Variants in PDE11A observed in about 807,000 individuals in gnomAD.
The protein encoded by PDE11A is dual 3',5'-cyclic-AMP and -GMP phosphodiesterase 11A.
Under a neutral mutation model 100.5 loss-of-function variants are expected in PDE11A, and 100 were observed. That is an observed-to-expected ratio of 1.00 (90% CI 0.85 to 1.18). The LOEUF is 1.18. PDE11A is among the 50% of genes most tolerant of loss of function. PDE11A has a pLI of 0.00. For missense variants in PDE11A, 1,141 were observed against 1,152.6 expected, an observed-to-expected ratio of 0.99 and a Z score of 0.15; for synonymous variants, 381 against 420.8, an observed-to-expected ratio of 0.91 and a Z score of 1.16.
intron 2 of PDE11A, among the ~76,000 whole-genome samples, chr2:177,954,555 C>A (rs1574305205): frequency 1.3e-5 from 2 of 152,206 alleles, no homozygotes; most frequent in Non-Finnish European, 2.9e-5. Flanking sequence ...TGAAGAAAGA[C>A]AGAACAGCAG....
At chr2:178,046,350 T>C (rs2086750947) in intron 1 of PDE11A, among the ~76,000 whole-genome samples, 1 of 152,224 alleles carries the variant, frequency 6.6e-6, no homozygotes, top group South Asian at 2.1e-4. Context: ...TATTATAATG[T>C]TGAATTCAGT....
chr2:177,859,926 C>T (rs1386798929), intron 5 of PDE11A, among the ~76,000 whole-genome samples: 1 of 151,654 alleles, frequency 6.6e-6, no homozygotes, highest in Non-Finnish European at 1.5e-5. Context: ...CAAAATAAAA[C>T]ATACCAAAAT....
At chr2:177,835,330 G>A (rs6756606) in intron 6 of PDE11A, among the ~76,000 whole-genome samples, 15,904 of 152,114 alleles carry the variant, frequency 0.1, 1,147 homozygotes, top group Non-Finnish European at 0.15. Context: ...GAGGCAGGGG[G>A]GCTCCTTAGA....
intron 1 of PDE11A, among the ~76,000 whole-genome samples, chr2:178,061,362 A>G (rs1407508745): frequency 6.6e-6 from 1 of 152,094 alleles, no homozygotes; most frequent in Non-Finnish European, 1.5e-5. Flanking sequence ...ACCATCCTAC[A>G]ATGCACAGGT....
rs551667391 is a variant in PDE11A at position 177,776,834 on chromosome 2, C to T, written c.1738-7461G>A. On this transcript the variant is annotated intron_variant, in intron 9 of 19. Coordinates refer to ENST00000286063, the MANE Select transcript of PDE11A (RefSeq NM_016953.4). ...ATCCTGACATGGTTTGGCTGTGTCCCCAACCAAATCTCATCTTGGATTGTA... is the reference window on the plus strand; with the variant it reads ...ATCCTGACATGGTTTGGCTGTGTCCTCAACCAAATCTCATCTTGGATTGTA... Among the ~76,000 whole-genome samples the T allele has an allele frequency of 2.6e-5, 4 of 152,250 alleles. No individual in the cohort carries two copies. In the South Asian group the frequency reaches 6.2e-4, roughly 24 times the overall value.
chr2:177,998,011 T>G, intron 2 of PDE11A: 1 of 1,232,094 alleles, frequency 8.1e-7, no homozygotes, highest in Non-Finnish European at 1.2e-6. Flanking sequence ...CCTTGTGGAA[T>G]GGACAGTTTT....
At chr2:177,807,169 A>G (rs1171630828) in intron 9 of PDE11A, among the ~76,000 whole-genome samples, 1 of 152,188 alleles carries the variant, frequency 6.6e-6, no homozygotes, top group African/African-American at 2.4e-5. Flanking sequence ...TAAAAGCAGT[A>G]AAGAAAAAAA....
At chr2:178,082,419 A>T (rs1441715771) in intron 2 of PDE11A, among the ~76,000 whole-genome samples, 1 of 152,208 alleles carries the variant, frequency 6.6e-6, no homozygotes, top group Non-Finnish European at 1.5e-5. Flanking sequence ...CCATATGTCA[A>T]CTAAAAAATG....
At chr2:177,763,915 G>A (rs2082204635) in intron 10 of PDE11A, among the ~76,000 whole-genome samples, 1 of 152,194 alleles carries the variant, frequency 6.6e-6, no homozygotes, top group African/African-American at 2.4e-5. Flanking sequence ...CAAGAGAAGG[G>A]GGGCAGCCCT....
At chr2:177,781,168 T>G (rs2082448808) in intron 9 of PDE11A, among the ~76,000 whole-genome samples, 1 of 152,188 alleles carries the variant, frequency 6.6e-6, no homozygotes, top group African/African-American at 2.4e-5. Context: ...TATTGATGTG[T>G]CTTGGAAAAC....
In PDE11A at chr2:177,769,373, C is replaced by A. The variant is rs147662486; in HGVS notation, c.1738G>T (p.Val580Leu). 34 of 1,567,080 alleles carry A rather than the reference C, an allele frequency of 2.2e-5. No homozygotes were observed. Among genetic ancestry groups the A allele is most frequent in the Non-Finnish European group, 2.6e-5 (30 of 1,137,518 alleles). ...SWAKQSVALD[V>L]LSYHATCSKA... Reference sequence around the variant, plus strand: ...GAACATGTTGCATGGTATGATAGCACCTGATTCAGAAGAAAAAAAAATAAT... The same window carrying A: ...GAACATGTTGCATGGTATGATAGCAACTGATTCAGAAGAAAAAAAAATAAT... The change falls in exon 10 of 20, where the codon GTG (valine) becomes TTG (leucine). Residue 580 changes from valine (V) to leucine (L), a missense_variant and splice_region_variant. Val to Leu is a conservative substitution (Grantham distance 32). Coordinates refer to ENST00000286063, the MANE Select transcript of PDE11A (RefSeq NM_016953.4).
In PDE11A at chr2:177,705,390, G is replaced by T. The variant is rs577734185; in HGVS notation, c.2154-4179C>A. Among the ~76,000 whole-genome samples, 39 of 152,302 alleles carry T rather than the reference G, an allele frequency of 2.6e-4. No individual in the cohort carries two copies. The South Asian group carries it at 7.7e-3, about 30-fold the overall frequency. ...ATTATATATACATAGGGTGTATGGA[G>T]AGAGGAAGAGAAGAGAATCCAAATT... On this transcript the variant is annotated intron_variant, in intron 13 of 19. Transcript: ENST00000286063.
intron 12 of PDE11A, among the ~76,000 whole-genome samples, chr2:177,726,177 C>T (rs975174980): frequency 6.6e-6 from 1 of 152,140 alleles, no homozygotes; most frequent in Non-Finnish European, 1.5e-5. Context: ...ACTCCTCTAA[C>T]GGTGGATGCA....
chr2:177,900,133 T>G (rs2084674582), intron 3 of PDE11A, among the ~76,000 whole-genome samples: 4 of 152,232 alleles, frequency 2.6e-5, no homozygotes. Flanking sequence ...TTTGGAATTT[T>G]TAATGGCATG....
rs1174633185 is a variant in PDE11A, at chr2:177,845,126, C to T, written c.1368-4743G>A. 5.3e-5 allele frequency among the ~76,000 whole-genome samples: 8 copies of T among 151,104 alleles called. No homozygotes were observed. In the East Asian group the frequency reaches 5.9e-4, roughly 11 times the overall value. On this transcript the variant is annotated intron_variant, in intron 5 of 19. Transcript: ENST00000286063. Reference sequence around the variant, plus strand: ...CCCAGTAGGGGCAGCCGGGCAGAGGCGCTCCTCACCTCCCGGACGGGGCGG... The same window carrying T: ...CCCAGTAGGGGCAGCCGGGCAGAGGTGCTCCTCACCTCCCGGACGGGGCGG...
At chr2:177,810,922 T>C (rs1043380712) in intron 9 of PDE11A, among the ~76,000 whole-genome samples, 1 of 152,070 alleles carries the variant, frequency 6.6e-6, no homozygotes, top group African/African-American at 2.4e-5. Flanking sequence ...TAAAAGAGGC[T>C]TGGATCCTGA....
intron 19 of PDE11A, among the ~76,000 whole-genome samples, chr2:177,660,725 T>A (rs149883377): frequency 1.2e-3 from 180 of 152,306 alleles, no homozygotes; most frequent in Admixed American, 3.9e-3. Flanking sequence ...CTGAGAGTAG[T>A]GATAATCTTC....
intron 5 of PDE11A, among the ~76,000 whole-genome samples, chr2:177,842,089 C>G (rs2083500694): frequency 6.6e-6 from 1 of 152,242 alleles, no homozygotes; most frequent in African/African-American, 2.4e-5. Flanking sequence ...TCTGACCTTT[C>G]AGGGATTAAT....
intron 5 of PDE11A, among the ~76,000 whole-genome samples, chr2:177,850,761 T>C (rs1383026372): frequency 6.6e-6 from 1 of 152,194 alleles, no homozygotes; most frequent in Non-Finnish European, 1.5e-5. Context: ...AAGAAATTTA[T>C]GCAGCCAACA....
Sources: allele counts gnomAD v4.1 joint callset (sites outside exome capture counted in the v4.1 genomes callset), GRCh38; gene constraint gnomAD v4.1.1; transcripts MANE v1.5; gene names NCBI Gene and HGNC (gene_info 2026-07-23, HGNC 2026-07-21).